The following BCHE variants were observed in gnomAD, a reference collection of about 807,000 sequenced individuals.
The protein encoded by BCHE is butyrylcholinesterase, also known as cholinesterase.
In BCHE, 48 loss-of-function variants were observed where a neutral mutation model predicts 51.3. The observed-to-expected ratio is 0.94, with a 90% CI of 0.74 to 1.19. The LOEUF is 1.19. Among genes scored for constraint, BCHE ranks in the 50% most tolerant of loss-of-function variants. BCHE has a pLI of 0.00. For missense variants in BCHE, 847 were observed against 708.2 expected (o/e 1.20, Z -2.23); for synonymous variants, 251 against 238.0 (o/e 1.05, Z -0.50).
At chr3:165,798,328 G>T (rs544813130) in intron 2 of BCHE, among the ~76,000 whole-genome samples, 1 of 151,992 alleles carries the variant, frequency 6.6e-6, no homozygotes, top group Non-Finnish European at 1.5e-5. Context: ...GTGGATGTTG[G>T]CTAAGATATT....
At chr3:165,774,154 G>A (rs1712370850) in intron 3 of BCHE, among the ~76,000 whole-genome samples, 1 of 152,068 alleles carries the variant, frequency 6.6e-6, no homozygotes, top group Admixed American at 6.6e-5. Context: ...AAAAAGGTCT[G>A]TATATGTTTA....
intron 2 of BCHE, among the ~76,000 whole-genome samples, chr3:165,824,964 C>A (rs987057760): frequency 2.6e-5 from 4 of 151,916 alleles, no homozygotes; most frequent in African/African-American, 9.7e-5. Context: ...AACTGAGAAG[C>A]TGATTCTAAT....
intron 2 of BCHE, among the ~76,000 whole-genome samples, chr3:165,827,203 T>G (rs1228313955): frequency 6.6e-6 from 1 of 152,062 alleles, no homozygotes; most frequent in Non-Finnish European, 1.5e-5. Flanking sequence ...ATATTAACAT[T>G]ATGCTTGACA....
intron 2 of BCHE, among the ~76,000 whole-genome samples, chr3:165,792,099 G>A (rs3863087): frequency 0.89 from 135,967 of 152,236 alleles, 60,733 homozygotes; most frequent in East Asian, 0.92. Context: ...GAATCTCTGC[G>A]TTTCAATTAG....
chr3:165,827,434 TATTA>T (rs751773588), intron 2 of BCHE, among the ~76,000 whole-genome samples: 7 of 151,408 alleles, frequency 4.6e-5, no homozygotes, highest in African/African-American at 9.7e-5. Flanking sequence ...TAAATAACCT[TATTA>T]ATTAATTAAT....
rs147242551 is a variant in BCHE at position 165,778,067 on chromosome 3, A to G, written c.1685-4561T>C. ...TTCAAGAGTTACAGGCAGATTTTCAACTGTGCAGGGGTTGGTGCCCCTAAC... is the reference window on the plus strand; with the variant it reads ...TTCAAGAGTTACAGGCAGATTTTCAGCTGTGCAGGGGTTGGTGCCCCTAAC... On this transcript the variant is annotated intron_variant, in intron 3 of 3. Coordinates refer to ENST00000264381, the MANE Select transcript of BCHE (RefSeq NM_000055.4). Among the ~76,000 whole-genome samples, 315 of 152,172 alleles carry G rather than the reference A, an allele frequency of 2.1e-3. 2 individuals carry two copies. Among genetic ancestry groups the G allele is most frequent in the African/African-American group, 7.2e-3 (300 of 41,556 alleles).
intron 2 of BCHE, among the ~76,000 whole-genome samples, chr3:165,795,012 A>C (rs1300849114): frequency 1.3e-5 from 2 of 152,154 alleles, no homozygotes; most frequent in Non-Finnish European, 2.9e-5. Flanking sequence ...ACTGAAAAAA[A>C]TGGTTTTTGC....
rs772259613 is a variant in BCHE at position 165,830,535 on chromosome 3, CTCTT to C, written c.495_498del (p.Arg166LeufsTer3). The C allele has an allele frequency of 2.6e-5, 42 of 1,613,840 alleles. No individual in the cohort carries two copies. The highest frequency in any genetic ancestry group is 3.6e-5 in the Non-Finnish European group (42 of 1,179,938). On this transcript the variant is annotated frameshift_variant, in exon 2 of 4. Transcript: ENST00000264381. LOFTEE classifies it high-confidence loss of function. ...CTATAGTTCATTGACACTACAATAA[CTCTT>C]TCAACCCGAGCCAGAAACTTGCCAT... is the stretch of plus-strand genomic sequence containing the variant.
At chr3:165,783,413 A>T (rs1365366381) in intron 3 of BCHE, among the ~76,000 whole-genome samples, 1 of 152,096 alleles carries the variant, frequency 6.6e-6, no homozygotes, top group Admixed American at 6.6e-5. Context: ...TTTTGCTTTT[A>T]ATGAGGAATT....
At chr3:165,784,225 A>G (rs948477014) in intron 3 of BCHE, among the ~76,000 whole-genome samples, 1 of 152,004 alleles carries the variant, frequency 6.6e-6, no homozygotes, top group African/African-American at 2.4e-5. Context: ...CTTGAAAAAT[A>G]TAAGATATGG....
rs555232407 is a variant in BCHE, at chr3:165,789,521, C to T, written c.1518-3210G>A. Among the ~76,000 whole-genome samples, 8 of 152,058 alleles carry T rather than the reference C, an allele frequency of 5.3e-5. No individual in the cohort carries two copies. In the East Asian group the frequency reaches 5.8e-4, roughly 11 times the overall value. On this transcript the variant is annotated intron_variant, in intron 2 of 3. Coordinates refer to ENST00000264381, the MANE Select transcript of BCHE (RefSeq NM_000055.4). ...TAGTGCTGCCTACCTAAGCCTAAAA[C>T]GAGAATTAAAATTATCCTTAGGAAT... is the stretch of plus-strand genomic sequence containing the variant.
intron 1 of BCHE, among the ~76,000 whole-genome samples, chr3:165,836,320 A>G (rs2108240142): frequency 6.6e-6 from 1 of 152,112 alleles, no homozygotes; most frequent in Admixed American, 6.6e-5. Context: ...CTACTTATAT[A>G]AGTAAACTGT....
rs115484253 is a variant in BCHE at position 165,814,467 on chromosome 3, C to T, written c.1517+15050G>A. ...TAATGTTAATAGTTTAGTTTTTGCT[C>T]TTATGATGTTAATCCTTACTTTCCT... On this transcript the variant is annotated intron_variant, in intron 2 of 3. Coordinates refer to ENST00000264381, the MANE Select transcript of BCHE (RefSeq NM_000055.4). Among the ~76,000 whole-genome samples, 189 of 152,168 alleles carry T rather than the reference C, an allele frequency of 1.2e-3. 1 individual carries two copies. The highest frequency in any genetic ancestry group is 4.1e-3 in the African/African-American group (172 of 41,520).
intron 2 of BCHE, among the ~76,000 whole-genome samples, chr3:165,805,218 A>G (rs1713825188): frequency 6.6e-6 from 1 of 152,184 alleles, no homozygotes; most frequent in Non-Finnish European, 1.5e-5. Flanking sequence ...ATACATATAT[A>G]TGGCTCTATG....
At position 165,830,678 on chromosome 3, in the gene BCHE, T is replaced by G; in HGVS notation, c.356A>C (p.Asp119Ala). Residue 119 changes from aspartate (D) to alanine (A), a missense_variant, in exon 2 of 4, where the codon GAC becomes GCC. Transcript: ENST00000264381. ...AATCCATACATTTAGATATAAACAG[T>G]CTTCACTGAGGTCAGTGTTTGGGTT... ...MWNPNTDLSEDCLYLNVWIPA... is the reference protein window; with the variant it reads ...MWNPNTDLSEACLYLNVWIPA... The G allele has an allele frequency of 1.2e-6, 2 of 1,614,030 alleles. No homozygotes were observed. Among genetic ancestry groups the G allele is most frequent in the Non-Finnish European group, 1.7e-6 (2 of 1,179,960 alleles).
At chr3:165,823,558 C>T (rs1399953461) in intron 2 of BCHE, among the ~76,000 whole-genome samples, 2 of 152,020 alleles carry the variant, frequency 1.3e-5, no homozygotes, top group African/African-American at 2.4e-5. Context: ...AAACTATAAC[C>T]TATCACTACT....
chr3:165,804,645 G>A (rs1382674190), intron 2 of BCHE, among the ~76,000 whole-genome samples: 13 of 152,122 alleles, frequency 8.5e-5, no homozygotes, highest in Non-Finnish European at 7.4e-5. Flanking sequence ...GTGTGTGAGT[G>A]TGTAAAAAGC....
At chr3:165,805,654 A>G (rs934054275) in intron 2 of BCHE, among the ~76,000 whole-genome samples, 9 of 152,248 alleles carry the variant, frequency 5.9e-5, no homozygotes, top group African/African-American at 4.8e-5. Flanking sequence ...AACCTAAATC[A>G]TTAAACATAA....
chr3:165,807,128 GA>G (rs1181067940), intron 2 of BCHE, among the ~76,000 whole-genome samples: 1 of 151,820 alleles, frequency 6.6e-6, no homozygotes, highest in African/African-American at 2.4e-5. Context: ...CAAAACTGAA[GA>G]AAATGTTTCA....
Sources: gnomAD v4.1 joint callset for allele counts (sites outside exome capture counted in the v4.1 genomes callset) on GRCh38, gnomAD v4.1.1 for gene constraint, MANE v1.5 for transcripts, NCBI Gene and HGNC (gene_info 2026-07-23, HGNC 2026-07-21) for gene names.